Variants in SRGAP3 observed in about 807,000 individuals in gnomAD.
The protein encoded by SRGAP3 is SLIT-ROBO Rho GTPase-activating protein 3.
SRGAP3 carries 39 observed loss-of-function variants against 121.1 expected under a neutral mutation model. The ratio of observed to expected loss-of-function variants is 0.32; its 90% confidence interval spans 0.25 to 0.42. The LOEUF is 0.42. SRGAP3 is among the 10% of genes least tolerant of loss of function. SRGAP3 has a pLI of 1.00. For missense variants in SRGAP3, 1,213 were observed against 1,470.6 expected (o/e 0.82, Z 2.86); for synonymous variants, 601 against 570.0 (o/e 1.05, Z -0.77).
intron 18 of SRGAP3, among the ~76,000 whole-genome samples, chr3:9,005,945 CAATAAAGTGGTTTTA>C (rs55723444): frequency 0.22 from 32,907 of 151,956 alleles, 3,659 homozygotes; most frequent in Non-Finnish European, 0.25. Flanking sequence ...ATCTATAACT[CAATAAAGTGGTTTTA>C]AGAAGAAGGC....
intron 1 of SRGAP3, among the ~76,000 whole-genome samples, chr3:9,156,217 G>A (rs1950411261): frequency 6.6e-6 from 1 of 152,236 alleles, no homozygotes; most frequent in Non-Finnish European, 1.5e-5. Context: ...GAGTTTGGGA[G>A]GGTGTCAGGA....
At chr3:9,220,148 G>A (rs898572729) in intron 1 of SRGAP3, among the ~76,000 whole-genome samples, 1 of 152,214 alleles carries the variant, frequency 6.6e-6, no homozygotes, top group African/African-American at 2.4e-5. Flanking sequence ...TTCAAAACAA[G>A]ATATTGGCTA....
rs373898128 is a variant in SRGAP3 at position 9,053,000 on chromosome 3, T to C, written c.1323+27A>G. On this transcript the variant is annotated intron_variant, in intron 9 of 21. Transcript: ENST00000383836. ...ACTGCCAGTGGCTTGGCCGACAGTG[T>C]GGTTCTGGGCCCAGGATGCCACTTA... The C allele has an allele frequency of 1.9e-3, 3,003 of 1,611,494 alleles. 77 individuals carry two copies. The South Asian group carries it at 0.031, about 17-fold the overall frequency.
chr3:9,028,008 G>A, intron 12 of SRGAP3: 1 of 1,466,208 alleles, frequency 6.8e-7, no homozygotes, highest in African/African-American at 1.4e-5. Flanking sequence ...GGACCCATCA[G>A]CAACAGGCAA....
Position 8,980,713 on chromosome 3 carries a change from G to T in SRGAP3, c.*4806C>A, listed in dbSNP as rs915759308. 10 of 232,748 alleles carry T rather than the reference G, an allele frequency of 4.3e-5. No homozygotes were observed. Among genetic ancestry groups the T allele is most frequent in the Non-Finnish European group, 7.7e-5 (9 of 117,524 alleles). The allele number at this position is 232,748 out of a possible 1,614,324, so 14.4% of individuals were successfully genotyped here. On this transcript the variant is annotated 3_prime_UTR_variant, in exon 22 of 22. Coordinates refer to ENST00000383836, the MANE Select transcript of SRGAP3 (RefSeq NM_014850.4). Reference sequence around the variant, plus strand: ...TATAGGACGGGCGTTTGGTCGTAAGGTAGAGAAACGATATCCAGAAGAGGG... The same window carrying T: ...TATAGGACGGGCGTTTGGTCGTAAGTTAGAGAAACGATATCCAGAAGAGGG...
intron 3 of SRGAP3, among the ~76,000 whole-genome samples, chr3:9,104,021 T>C (rs1233681857): frequency 2.6e-5 from 4 of 152,232 alleles, no homozygotes; most frequent in African/African-American, 9.6e-5. Flanking sequence ...ACGGCAGTGT[T>C]ATTTATAAGA....
At chr3:9,163,910 C>T (rs947847331) in intron 1 of SRGAP3, among the ~76,000 whole-genome samples, 3 of 151,554 alleles carry the variant, frequency 2.0e-5, no homozygotes, top group Admixed American at 6.6e-5. Context: ...CCATTGAATG[C>T]GCACCCACTA....
intron 1 of SRGAP3, among the ~76,000 whole-genome samples, chr3:9,187,247 A>G (rs943396761): frequency 2.6e-5 from 4 of 152,046 alleles, no homozygotes; most frequent in Non-Finnish European, 5.9e-5. Context: ...TTTGTCCCTC[A>G]GCAAAAAGTT....
In SRGAP3 at chr3:9,248,873, C is replaced by T. The variant is rs1418503256; in HGVS notation, c.67+12G>A. ...GGGAGGAGAAGGAAAACTCTCCCAG[C>T]CCGCATCTCACCTTTTATTTGGGCT... On this transcript the variant is annotated intron_variant, in intron 1 of 21. Coordinates refer to ENST00000383836, the MANE Select transcript of SRGAP3 (RefSeq NM_014850.4). 1.2e-6 allele frequency: 2 copies of T among 1,614,108 alleles called. No individual in the cohort carries two copies. Among genetic ancestry groups the T allele is most frequent in the Non-Finnish European group, 8.5e-7 (1 of 1,179,922 alleles).
chr3:9,288,525 T>C (rs1002823095), intron 3 of SRGAP3, among the ~76,000 whole-genome samples: 2 of 152,102 alleles, frequency 1.3e-5, no homozygotes, highest in Non-Finnish European at 2.9e-5. Flanking sequence ...TCTAATTAAC[T>C]GTGGAATCTA....
intron 6 of SRGAP3, 41 bp from the exon 7 acceptor site, chr3:9,058,513 AG>A: frequency 6.3e-7 from 1 of 1,591,254 alleles, no homozygotes; most frequent in Non-Finnish European, 8.6e-7. Context: ...GGTGACAGCC[AG>A]GATGTGGAGG....
At chr3:9,289,341 C>G (rs1349836251) in intron 3 of SRGAP3, among the ~76,000 whole-genome samples, 1 of 152,214 alleles carries the variant, frequency 6.6e-6, no homozygotes, top group Non-Finnish European at 1.5e-5. Context: ...GTTGTTTCTG[C>G]TGGCTCAATA....
intron 1 of SRGAP3, among the ~76,000 whole-genome samples, chr3:9,187,707 T>C (rs1268081520): frequency 1.3e-5 from 2 of 152,202 alleles, no homozygotes; most frequent in Non-Finnish European, 2.9e-5. Flanking sequence ...TCTCCTGCCC[T>C]GCCTCCTTTT....
At chr3:9,324,702 A>G (rs1955488543) in intron 3 of SRGAP3, among the ~76,000 whole-genome samples, 1 of 151,782 alleles carries the variant, frequency 6.6e-6, no homozygotes, top group Non-Finnish European at 1.5e-5. Flanking sequence ...CACGCCTGTC[A>G]TCTCCAGCAC....
At chr3:9,317,582 T>G in intron 3 of SRGAP3, among the ~76,000 whole-genome samples, 1 of 152,208 alleles carries the variant, frequency 6.6e-6, no homozygotes, top group East Asian at 1.9e-4. Flanking sequence ...TGGTCAAGTG[T>G]CAATCAGTAA....
rs370528556 is a variant in SRGAP3 at position 8,998,508 on chromosome 3, T to A, written c.2228-3985A>T. ...CTGAAATTTATGTGTGTGTGTATGA[T>A]GTGTGTATTTATGTGTTTGTGGTAT... is the stretch of plus-strand genomic sequence containing the variant. On this transcript the variant is annotated intron_variant, in intron 18 of 21. Coordinates refer to ENST00000383836, the MANE Select transcript of SRGAP3 (RefSeq NM_014850.4). Among the ~76,000 whole-genome samples the A allele has an allele frequency of 2.0e-5, 3 of 151,102 alleles. No homozygotes were observed. In the South Asian group the frequency reaches 6.3e-4, roughly 32 times the overall value.
chr3:9,250,346 C>A (rs1953978490), upstream of SRGAP3, among the ~76,000 whole-genome samples: 1 of 152,166 alleles, frequency 6.6e-6, no homozygotes, highest in African/African-American at 2.4e-5. Context: ...GCTCCCGGGG[C>A]TCCACATCAC....
intron 10 of SRGAP3, among the ~76,000 whole-genome samples, chr3:9,040,729 A>G (rs1468674750): frequency 6.6e-6 from 1 of 151,912 alleles, no homozygotes. Context: ...ACACCCAGCT[A>G]TTTTTTTCTA....
At chr3:9,309,085 G>T (rs1290991225) in intron 3 of SRGAP3, among the ~76,000 whole-genome samples, 1 of 152,182 alleles carries the variant, frequency 6.6e-6, no homozygotes, top group Non-Finnish European at 1.5e-5. Context: ...ATTCAGGCTT[G>T]TCCCCTCAGG....
Sources: gnomAD v4.1 joint callset for allele counts (sites outside exome capture counted in the v4.1 genomes callset) on GRCh38, gnomAD v4.1.1 for gene constraint, MANE v1.5 for transcripts, NCBI Gene and HGNC (gene_info 2026-07-23, HGNC 2026-07-21) for gene names.